Variants in SORT1 observed in about 807,000 individuals in gnomAD.
SORT1 encodes the protein sortilin 1.
Under a neutral mutation model 101.7 loss-of-function variants are expected in SORT1, and 39 were observed. That is an observed-to-expected ratio of 0.38 (90% confidence interval 0.30 to 0.50). SORT1 has a LOEUF of 0.50. Among genes scored for constraint, SORT1 ranks in the 20% least tolerant of loss-of-function variants. The pLI, the probability that SORT1 is intolerant of heterozygous loss-of-function variation, is 0.90. For synonymous variants in SORT1, 396 were observed against 393.7 expected (o/e 1.01, Z -0.07); for missense variants, 878 against 1,040.4 (o/e 0.84, Z 2.15).
chr1:109,372,905 A>AG (rs1434041253), intron 1 of SORT1, among the ~76,000 whole-genome samples: 1 of 150,110 alleles, frequency 6.7e-6, no homozygotes, highest in Non-Finnish European at 1.5e-5. Flanking sequence ...TCTCAAAAAA[A>AG]AAAAAAAAAG....
chr1:109,369,467 C>A, intron 2 of SORT1, 63 bp downstream of exon 2: 1 of 1,054,712 alleles, frequency 9.5e-7, no homozygotes, highest in Admixed American at 1.7e-5. Flanking sequence ...GTGCTTAACC[C>A]TTCCCCAAAT....
intron 2 of SORT1, 81 bp from the exon 3 acceptor site, chr1:109,367,562 C>A: frequency 1.2e-6 from 1 of 856,900 alleles, no homozygotes. Context: ...TAAGCCAACA[C>A]CTAAAAGACT....
chr1:109,317,783 G>C, intron 16 of SORT1, 70 bp downstream of exon 16: 1 of 1,042,000 alleles, frequency 9.6e-7, no homozygotes, highest in Non-Finnish European at 1.5e-6. Context: ...TCTCAGTGTG[G>C]AGAGAAGCAG....
At chr1:109,349,170 C>T (rs534684005) in intron 6 of SORT1, among the ~76,000 whole-genome samples, 2 of 152,132 alleles carry the variant, frequency 1.3e-5, no homozygotes, top group South Asian at 4.1e-4. Context: ...CATGGTGAAA[C>T]CCCATTGCTA....
intron 1 of SORT1, among the ~76,000 whole-genome samples, chr1:109,394,163 T>C (rs1013412239): frequency 6.6e-6 from 1 of 152,188 alleles, no homozygotes; most frequent in Non-Finnish European, 1.5e-5. Flanking sequence ...TATTTATCTT[T>C]CTCCTTCGTT....
chr1:109,363,365 AAACT>A, intron 3 of SORT1, among the ~76,000 whole-genome samples: 1 of 152,324 alleles, frequency 6.6e-6, no homozygotes, highest in African/African-American at 2.4e-5. Flanking sequence ...ATCCATTATA[AAACT>A]AATATTCCTT....
intron 1 of SORT1, 152 bp from the exon 2 acceptor site, chr1:109,369,741 T>C: frequency 1.6e-6 from 1 of 636,140 alleles, no homozygotes; most frequent in Non-Finnish European, 2.9e-6. Context: ...TTGGGAGGGA[T>C]GGGATTTAAC....
intron 1 of SORT1, among the ~76,000 whole-genome samples, chr1:109,381,718 TAAC>T (rs982926991): frequency 3.3e-5 from 5 of 151,820 alleles, no homozygotes; most frequent in African/African-American, 1.2e-4. Context: ...AAACCAACAA[TAAC>T]AACAACAATA....
intron 1 of SORT1, among the ~76,000 whole-genome samples, chr1:109,385,534 A>C (rs1398528051): frequency 1.3e-5 from 2 of 152,216 alleles, no homozygotes; most frequent in Non-Finnish European, 2.9e-5. Flanking sequence ...TTTAAAGAAA[A>C]GAAAGTGACA....
intron 1 of SORT1, chr1:109,389,711 C>G (rs1240834158): frequency 6.6e-6 from 1 of 152,252 alleles, no homozygotes; most frequent in East Asian, 1.9e-4. Context: ...CAACCAGGTC[C>G]AGAAGTTTAG....
chr1:109,369,853 G>C (rs1651376701), intron 1 of SORT1, among the ~76,000 whole-genome samples: 1 of 152,148 alleles, frequency 6.6e-6, no homozygotes, highest in Non-Finnish European at 1.5e-5. Context: ...GGGGAGATGG[G>C]AGATGGGACA....
rs1469088151 is a variant in SORT1, at chr1:109,310,283, T to A, written c.*3760A>T. 3.9e-5 allele frequency: 6 copies of A among 153,182 alleles called. No individual in the cohort carries two copies. The highest frequency in any genetic ancestry group is 7.3e-5 in the Non-Finnish European group (5 of 68,040). 9.5% of individuals were successfully genotyped at this position (153,182 alleles called of 1,614,324 possible). ...CATACTGCAAGTTGTTTCGAATTAA[T>A]GTTCTGACTCTTGTTATTATAATGC... On this transcript the variant is annotated 3_prime_UTR_variant, in exon 20 of 20. Coordinates refer to ENST00000256637, the MANE Select transcript of SORT1 (RefSeq NM_002959.7).
chr1:109,335,396 G>A (rs938721577), intron 11 of SORT1, among the ~76,000 whole-genome samples: 1 of 152,202 alleles, frequency 6.6e-6, no homozygotes, highest in Non-Finnish European at 1.5e-5. Context: ...GGAAACAGGG[G>A]TCAGAAAGTC....
chr1:109,344,383 A>T (rs1319861171), intron 8 of SORT1, among the ~76,000 whole-genome samples: 1 of 152,206 alleles, frequency 6.6e-6, no homozygotes, highest in Non-Finnish European at 1.5e-5. Flanking sequence ...GTGATCTACA[A>T]AGGCCACATA....
At chr1:109,345,252 C>T (rs983154487) in intron 8 of SORT1, among the ~76,000 whole-genome samples, 39 of 152,280 alleles carry the variant, frequency 2.6e-4, no homozygotes, top group Non-Finnish European at 5.1e-4. Context: ...CGGTGGCTCA[C>T]GCCTATAATC....
chr1:109,330,722 T>G (rs1648406127), intron 11 of SORT1, among the ~76,000 whole-genome samples: 1 of 151,518 alleles, frequency 6.6e-6, no homozygotes, highest in Admixed American at 6.6e-5. Context: ...TGACAAACTT[T>G]TAATTAGAAT....
chr1:109,325,231 C>CTTTT (rs35552184), intron 13 of SORT1, 142 bp from the exon 14 acceptor site: 36 of 190,548 alleles, frequency 1.9e-4, no homozygotes, highest in South Asian at 3.6e-4. Flanking sequence ...ATTATTTTAA[C>CTTTT]TTTTTTTTTT....
intron 15 of SORT1, among the ~76,000 whole-genome samples, 162 bp from the exon 16 acceptor site, chr1:109,318,131 T>G (rs1647362828): frequency 6.6e-6 from 1 of 151,538 alleles, no homozygotes; most frequent in Non-Finnish European, 1.5e-5. Context: ...GAGGTCGATT[T>G]AGGAAAACAG....
At chr1:109,329,496 G>A (rs1365759737) in intron 11 of SORT1, among the ~76,000 whole-genome samples, 5 of 152,098 alleles carry the variant, frequency 3.3e-5, no homozygotes, top group Admixed American at 6.6e-5. Flanking sequence ...CTCGTGATCC[G>A]CCCGCCTTGG....
Sources: gnomAD v4.1 joint callset for allele counts (sites outside exome capture counted in the v4.1 genomes callset) on GRCh38, gnomAD v4.1.1 for gene constraint, MANE v1.5 for transcripts, NCBI Gene and HGNC (gene_info 2026-07-23, HGNC 2026-07-21) for gene names.